The following CD163L1 variants were observed in gnomAD, a reference collection of about 807,000 sequenced individuals.
CD163L1 encodes CD163 molecule like 1.
CD163L1 carries 124 observed loss-of-function variants against 165.4 expected under a neutral mutation model. The observed-to-expected ratio is 0.75, with a 90% CI of 0.65 to 0.87. The LOEUF is 0.87. Ranked by LOEUF, CD163L1 falls within the 40% of genes least tolerant of loss-of-function variation. The pLI is 0.00. For missense variants in CD163L1, 1,525 were observed against 1,799.9 expected, an observed-to-expected ratio of 0.85 and a Z score of 2.76; for synonymous variants, 585 against 662.2, an observed-to-expected ratio of 0.88 and a Z score of 1.79.
At chr12:7,327,115 G>T in the CD163L1 span, 1 of 1,579,414 alleles carries the variant, frequency 6.3e-7, no homozygotes. Context: ...TTGCCCAAAA[G>T]TTAAGTTTGG....
intron 18 of CD163L1, among the ~76,000 whole-genome samples, chr12:7,363,449 A>C (rs1357727371): frequency 6.6e-6 from 1 of 152,070 alleles, no homozygotes; most frequent in Admixed American, 6.6e-5. Flanking sequence ...AAATAAATTA[A>C]ATTGAGACTT....
At chr12:7,439,510 C>G in intron 2 of CD163L1, 1 of 1,581,744 alleles carries the variant, frequency 6.3e-7, no homozygotes, top group Non-Finnish European at 8.5e-7. Flanking sequence ...TTTCTCCTCT[C>G]TCTGCCTTAA....
At chr12:7,427,408 T>C (rs903960360) in intron 4 of CD163L1, among the ~76,000 whole-genome samples, 3 of 152,166 alleles carry the variant, frequency 2.0e-5, no homozygotes, top group African/African-American at 7.2e-5. Context: ...ATTGTTAAAA[T>C]GTTCATTCTA....
chr12:7,409,834 T>C (rs761448661), intron 4 of CD163L1, among the ~76,000 whole-genome samples: 5 of 152,174 alleles, frequency 3.3e-5, no homozygotes, highest in African/African-American at 1.2e-4. Flanking sequence ...ACACCTCCAA[T>C]TGGCTTTATA....
intron 2 of CD163L1, chr12:7,439,871 C>T: frequency 1.2e-6 from 2 of 1,610,048 alleles, no homozygotes; most frequent in South Asian, 1.1e-5. Context: ...CTCGCGGCTG[C>T]GTCATTATCC....
chr12:7,441,014 T>C (rs2136656143), intron 2 of CD163L1, 140 bp downstream of exon 2: 1 of 594,454 alleles, frequency 1.7e-6, no homozygotes, highest in Admixed American at 2.7e-5. Flanking sequence ...GACACCTTTA[T>C]TTACAGGGTA....
In CD163L1 at chr12:7,368,114, G is replaced by C; in HGVS notation, c.4156C>G (p.Gln1386Glu). The C allele has an allele frequency of 1.2e-6, 2 of 1,610,952 alleles. No homozygotes were observed. The highest frequency in any genetic ancestry group is 1.7e-6 in the Non-Finnish European group (2 of 1,177,252). The change falls in exon 17 of 20, where the codon CAG (glutamine) becomes GAG (glutamate). Residue 1386 changes from glutamine (Q) to glutamate (E), a missense_variant. Gln to Glu is a conservative substitution (Grantham distance 29). Transcript: ENST00000313599. This position sits in a 1 kb window ranked among gnomAD's most constrained non-coding sequence, Gnocchi z 4.3. ...FILFLTWCRV[Q>E]KQKHLPLRVS... ...CTGAGGGGCAGATGTTTTTGTTTCT[G>C]AACTCGGCACCACGTGAGAAATAGA...
chr12:7,392,672 C>T (rs568404682), intron 8 of CD163L1, among the ~76,000 whole-genome samples: 14 of 151,936 alleles, frequency 9.2e-5, no homozygotes, highest in Non-Finnish European at 1.5e-4. Flanking sequence ...ATTGATAGAC[C>T]GCTACCAAAA....
the CD163L1 span, among the ~76,000 whole-genome samples, chr12:7,337,859 C>G: frequency 3.3e-5 from 5 of 152,320 alleles, no homozygotes; most frequent in East Asian, 9.6e-4. Flanking sequence ...TATAAAGTCA[C>G]ATACACACGT....
the CD163L1 span, chr12:7,324,660 A>T: frequency 6.5e-7 from 1 of 1,549,606 alleles, no homozygotes; most frequent in Non-Finnish European, 8.9e-7. Context: ...CCATTTGACC[A>T]CTGTAAAGGC....
chr12:7,372,516 G>A lies in CD163L1; in HGVS notation c.3730+804C>T, dbSNP rs1486476289. Among the ~76,000 whole-genome samples the A allele has an allele frequency of 1.3e-5, 2 of 151,798 alleles. No individual in the cohort carries two copies. Among genetic ancestry groups the A allele is most frequent in the East Asian group, 1.9e-4 (1 of 5,190 alleles). On this transcript the variant is annotated intron_variant, in intron 14 of 19. Coordinates refer to ENST00000313599, the MANE Select transcript of CD163L1 (RefSeq NM_174941.6). This position sits in a 1 kb window ranked among gnomAD's most constrained non-coding sequence, Gnocchi z 4.2. ...ATTTATGTTCACATGATAAAATATT[G>A]TATGCCATTTGAAGGCTATTCATTG... is the stretch of plus-strand genomic sequence containing the variant.
chr12:7,434,465 GC>G lies in CD163L1; in HGVS notation c.125-772del, dbSNP rs1223019221. On this transcript the variant is annotated intron_variant, in intron 2 of 19. Transcript: ENST00000313599. ...AATATTAACCCAAATCTACTTGTAA[GC>G]CAAAATTTTGAGGAACAGACAATAA... Among the ~76,000 whole-genome samples the G allele has an allele frequency of 3.9e-5, 6 of 152,228 alleles. No individual in the cohort carries two copies. The East Asian group carries it at 1.2e-3, about 29-fold the overall frequency.
Position 7,376,163 on chromosome 12 carries a change from A to G in CD163L1, c.2372-149T>C, listed in dbSNP as rs1947269822. The G allele has an allele frequency of 1.3e-5, 9 of 672,412 alleles. No homozygotes were observed. In the East Asian group the frequency reaches 2.4e-4, roughly 18 times the overall value. The allele number at this position is 672,412 out of a possible 1,614,324, so 41.7% of individuals were successfully genotyped here. A position where few individuals can be genotyped will look rare whatever the true frequency, so the allele number is the denominator to read the frequency against. ...GGGCTCAGAGGACAAGATTAGCAGT[A>G]CAGACTTAAATTCACAGATCTGGAT... On this transcript the variant is annotated intron_variant, in intron 9 of 19. Coordinates refer to ENST00000313599, the MANE Select transcript of CD163L1 (RefSeq NM_174941.6).
chr12:7,438,568 T>C (rs756724346), intron 2 of CD163L1, among the ~76,000 whole-genome samples: 7 of 152,222 alleles, frequency 4.6e-5, no homozygotes, highest in East Asian at 1.9e-4. Flanking sequence ...TGCTCACAAA[T>C]TAGCCTATAA....
At chr12:7,332,163 A>G in the CD163L1 span, among the ~76,000 whole-genome samples, 1 of 152,266 alleles carries the variant, frequency 6.6e-6, no homozygotes, top group Non-Finnish European at 1.5e-5. Flanking sequence ...CAATACAATC[A>G]ACTGGAAGAA....
intron 4 of CD163L1, among the ~76,000 whole-genome samples, chr12:7,431,537 AG>A (rs1376688823): frequency 6.6e-6 from 1 of 151,284 alleles, no homozygotes; most frequent in Non-Finnish European, 1.5e-5. Flanking sequence ...AGGACTTAAA[AG>A]TGATCCCCTA....
chr12:7,327,241 T>C, the CD163L1 span: 2 of 1,020,814 alleles, frequency 2.0e-6, no homozygotes, highest in South Asian at 1.8e-5. Context: ...AGAATTTTGC[T>C]TTAAAATGTT....
At chr12:7,342,056 C>A (rs1483850059), downstream of CD163L1, among the ~76,000 whole-genome samples, 1 of 152,138 alleles carries the variant, frequency 6.6e-6, no homozygotes, top group African/African-American at 2.4e-5. Flanking sequence ...CCTCTCTCCC[C>A]ACTCAAGATG....
At chr12:7,390,113 G>C (rs1430027508) in intron 8 of CD163L1, among the ~76,000 whole-genome samples, 10 of 151,566 alleles carry the variant, frequency 6.6e-5, no homozygotes, top group Non-Finnish European at 1.3e-4. Flanking sequence ...AATATCACAA[G>C]TTCTCACTCA....
Sources: gnomAD v4.1 joint callset for allele counts (sites outside exome capture counted in the v4.1 genomes callset) on GRCh38, gnomAD v4.1.1 for gene constraint, Gnocchi (gnomAD v3.1) non-coding constraint, MANE v1.5 for transcripts, NCBI Gene and HGNC (gene_info 2026-07-23, HGNC 2026-07-21) for gene names.